CACNA2D3: variants seen among roughly 807,000 people sequenced by gnomAD.
CACNA2D3 encodes the protein voltage-dependent calcium channel subunit alpha-2/delta-3.
Under a neutral mutation model 160.6 loss-of-function variants are expected in CACNA2D3, and 60 were observed. That is an observed-to-expected ratio of 0.37 (90% CI 0.30 to 0.46). The LOEUF is 0.46. Ranked by LOEUF, CACNA2D3 falls within the 20% of genes least tolerant of loss-of-function variation. The pLI is 1.00. For synonymous variants in CACNA2D3, 558 were observed against 492.9 expected, an observed-to-expected ratio of 1.13 and a Z score of -1.75; for missense variants, 1,205 against 1,365.0, an observed-to-expected ratio of 0.88 and a Z score of 1.85.
chr3:54,887,602 G>T (rs976653805), intron 23 of CACNA2D3, among the ~76,000 whole-genome samples: 6 of 152,136 alleles, frequency 3.9e-5, no homozygotes, highest in Non-Finnish European at 8.8e-5. Context: ...CAGAGATGGG[G>T]ATGATGACAG....
At chr3:54,262,042 A>G (rs1702410451) in intron 2 of CACNA2D3, among the ~76,000 whole-genome samples, 2 of 151,878 alleles carry the variant, frequency 1.3e-5, no homozygotes, top group African/African-American at 4.8e-5. Flanking sequence ...TGGGGGAGGG[A>G]GCAGGAGTTT....
intron 8 of CACNA2D3, among the ~76,000 whole-genome samples, chr3:54,571,105 C>T (rs550934040): frequency 6.6e-6 from 1 of 152,114 alleles, no homozygotes; most frequent in Admixed American, 6.5e-5. Context: ...GCAGGGGCTT[C>T]CAGCTTATAG....
chr3:54,549,143 T>C (rs1702112338), intron 5 of CACNA2D3, among the ~76,000 whole-genome samples: 1 of 152,164 alleles, frequency 6.6e-6, no homozygotes, highest in Admixed American at 6.5e-5. Flanking sequence ...ACTTGGCCTT[T>C]TGCTGTTAAA....
At chr3:54,289,577 C>G (rs547064800) in intron 2 of CACNA2D3, among the ~76,000 whole-genome samples, 3 of 152,124 alleles carry the variant, frequency 2.0e-5, no homozygotes, top group African/African-American at 4.8e-5. Context: ...CATATGGAAC[C>G]AAAAAAGAGC....
At chr3:54,441,112 A>G (rs1700138131) in intron 4 of CACNA2D3, among the ~76,000 whole-genome samples, 2 of 152,090 alleles carry the variant, frequency 1.3e-5, no homozygotes, top group Admixed American at 6.6e-5. Context: ...AACAGTGTAA[A>G]AGTGTTCCTA....
intron 2 of CACNA2D3, among the ~76,000 whole-genome samples, chr3:54,286,784 A>C (rs1447731477): frequency 6.6e-6 from 1 of 152,164 alleles, no homozygotes; most frequent in African/African-American, 2.4e-5. Flanking sequence ...AACATTCTTA[A>C]AGAAAAGAAT....
rs566408533 is a variant in CACNA2D3 at position 54,785,271 on chromosome 3, T to C, written c.1380+20920T>C. Among the ~76,000 whole-genome samples, 18 of 152,284 alleles carry C rather than the reference T, an allele frequency of 1.2e-4. No homozygotes were observed. The East Asian group carries it at 3.3e-3, about 28-fold the overall frequency. ...GTCAGAAGATGTCCATTTTGATTTT[T>C]TTTCTCCCCTCCTATGTTATGTAAC... On this transcript the variant is annotated intron_variant, in intron 13 of 37. Transcript: ENST00000474759.
At chr3:54,467,475 A>T (rs182806667) in intron 4 of CACNA2D3, among the ~76,000 whole-genome samples, 87 of 152,300 alleles carry the variant, frequency 5.7e-4, no homozygotes, top group African/African-American at 2.1e-3. Context: ...CTTGATTGAG[A>T]CTTGGGCAAG....
intron 11 of CACNA2D3, among the ~76,000 whole-genome samples, chr3:54,647,962 A>T (rs940835621): frequency 1.3e-5 from 2 of 152,248 alleles, no homozygotes; most frequent in African/African-American, 4.8e-5. Context: ...GAACTCCAAT[A>T]TGAGAGGAAC....
Position 54,381,599 on chromosome 3 carries a change from T to C in CACNA2D3, c.322-5116T>C, listed in dbSNP as rs114203571. ...GACGGAAAGTTTGACCTCTACCATGTCTTTAACGCTAGTCCTGATTTAAGT... is the reference window on the plus strand; with the variant it reads ...GACGGAAAGTTTGACCTCTACCATGCCTTTAACGCTAGTCCTGATTTAAGT... On this transcript the variant is annotated intron_variant, in intron 3 of 37. Coordinates refer to ENST00000474759, the MANE Select transcript of CACNA2D3 (RefSeq NM_018398.3). Among the ~76,000 whole-genome samples the C allele has an allele frequency of 2.4e-3, 360 of 152,350 alleles. 3 individuals are homozygous for C. The highest frequency in any genetic ancestry group is 8.4e-3 in the African/African-American group (351 of 41,576).
chr3:54,845,452 C>A (rs1342923481), intron 16 of CACNA2D3, among the ~76,000 whole-genome samples: 1 of 151,918 alleles, frequency 6.6e-6, no homozygotes, highest in African/African-American at 2.4e-5. Context: ...TTTCTTTTTT[C>A]TTCTCCCCTT....
At chr3:54,343,136 G>A (rs1348168400) in intron 3 of CACNA2D3, among the ~76,000 whole-genome samples, 2 of 152,042 alleles carry the variant, frequency 1.3e-5, no homozygotes, top group African/African-American at 4.8e-5. Flanking sequence ...TTCCCTCTTG[G>A]GAAAATTTGT....
At chr3:54,888,309 G>A (rs1004412855) in intron 24 of CACNA2D3, among the ~76,000 whole-genome samples, 4 of 152,120 alleles carry the variant, frequency 2.6e-5, no homozygotes, top group Non-Finnish European at 4.4e-5. Flanking sequence ...TGACACTTCC[G>A]AGAGAGAGGG....
chr3:54,329,498 C>T (rs150082076), intron 3 of CACNA2D3, among the ~76,000 whole-genome samples: 62 of 152,324 alleles, frequency 4.1e-4, no homozygotes, highest in Non-Finnish European at 8.2e-4. Context: ...CAGAATCCTC[C>T]ACTGTCGGCT....
At chr3:54,476,975 C>T (rs899080932) in intron 4 of CACNA2D3, among the ~76,000 whole-genome samples, 3 of 152,080 alleles carry the variant, frequency 2.0e-5, no homozygotes, top group Non-Finnish European at 4.4e-5. Context: ...CAGTAGATAC[C>T]ATGGTAGTTT....
rs569497854 is a variant in CACNA2D3, at chr3:54,774,754, C to T, written c.1380+10403C>T. On this transcript the variant is annotated intron_variant, in intron 13 of 37. Coordinates refer to ENST00000474759, the MANE Select transcript of CACNA2D3 (RefSeq NM_018398.3). Reference sequence around the variant, plus strand: ...AGTTCAAGTGATTCTCCTGCCTTAGCCTCCTGAGTAGCTGGGATTACAGGC... The same window carrying T: ...AGTTCAAGTGATTCTCCTGCCTTAGTCTCCTGAGTAGCTGGGATTACAGGC... 2.9e-4 allele frequency among the ~76,000 whole-genome samples: 43 copies of T among 149,416 alleles called. 1 individual carries two copies. Among genetic ancestry groups the T allele is most frequent in the Middle Eastern group, 3.4e-3 (1 of 290 alleles).
At chr3:54,805,128 C>G (rs1318383172) in intron 13 of CACNA2D3, among the ~76,000 whole-genome samples, 1 of 152,128 alleles carries the variant, frequency 6.6e-6, no homozygotes, top group African/African-American at 2.4e-5. Context: ...ACCCTAACAT[C>G]ACAATTAAAA....
At chr3:54,405,815 A>G (rs1350279291) in intron 4 of CACNA2D3, among the ~76,000 whole-genome samples, 1 of 150,684 alleles carries the variant, frequency 6.6e-6, no homozygotes, top group Non-Finnish European at 1.5e-5. Context: ...CTAAGGGTTA[A>G]TATCCAAAAT....
intron 4 of CACNA2D3, among the ~76,000 whole-genome samples, chr3:54,497,562 G>T (rs867245326): frequency 6.6e-6 from 1 of 151,966 alleles, no homozygotes; most frequent in Non-Finnish European, 1.5e-5. Context: ...AGTAAAGGTA[G>T]ATTTTTTCCC....
Sources: gnomAD v4.1 joint callset for allele counts (sites outside exome capture counted in the v4.1 genomes callset) on GRCh38, gnomAD v4.1.1 for gene constraint, MANE v1.5 for transcripts, NCBI Gene and HGNC (gene_info 2026-07-23, HGNC 2026-07-21) for gene names.